Variants in WDR3 observed in about 807,000 individuals in gnomAD.
WDR3 encodes WD repeat domain 3.
In WDR3, 81 loss-of-function variants were observed where a neutral mutation model predicts 123.7. That is an observed-to-expected ratio of 0.65 (90% CI 0.55 to 0.79). The LOEUF is 0.79. WDR3 is among the 30% of genes least tolerant of loss of function. The pLI, the probability that WDR3 is intolerant of heterozygous loss-of-function variation, is 0.00. For missense variants in WDR3, 1,027 were observed against 1,123.2 expected (o/e 0.91, Z 1.22); for synonymous variants, 390 against 388.8 (o/e 1.00, Z -0.04).
intron 13 of WDR3, among the ~76,000 whole-genome samples, chr1:117,949,427 A>T (rs1023102100): frequency 6.6e-6 from 1 of 152,188 alleles, no homozygotes; most frequent in African/African-American, 2.4e-5. Context: ...ACTTTAAACA[A>T]ATCTAGATTA....
intron 3 of WDR3, among the ~76,000 whole-genome samples, chr1:117,936,194 A>T (rs1650940063): frequency 6.6e-6 from 1 of 152,080 alleles, no homozygotes; most frequent in Non-Finnish European, 1.5e-5. Context: ...GATTTACCCA[A>T]CCTGGAGATC....
At position 117,936,945 on chromosome 1, in the gene WDR3, T is replaced by C. The variant is rs1425703555; in HGVS notation, c.500+58T>C. On this transcript the variant is annotated intron_variant, in intron 4 of 26. Transcript: ENST00000349139. ...TTCTAGGAAGAGAGAATTTGCTTTA[T>C]TCCTTACTCATTTCTCTCATGAGCA... is the stretch of plus-strand genomic sequence containing the variant. 8.2e-6 allele frequency: 12 copies of C among 1,459,806 alleles called. No homozygotes were observed. In the Admixed American group the frequency reaches 1.7e-4, roughly 21 times the overall value. 90.4% of individuals were successfully genotyped at this position (1,459,806 alleles called of 1,614,324 possible). A position where few individuals can be genotyped will look rare whatever the true frequency, so the allele number is the denominator to read the frequency against.
chr1:117,938,682 T>C, intron 5 of WDR3, 124 bp downstream of exon 5: 1 of 700,090 alleles, frequency 1.4e-6, no homozygotes. Context: ...TATGCCATCT[T>C]GAGGGACAGT....
chr1:117,949,978 G>GT lies in WDR3; in HGVS notation c.1611-11dup. On this transcript the variant is annotated splice_polypyrimidine_tract_variant and intron_variant, in intron 14 of 26. Coordinates refer to ENST00000349139, the MANE Select transcript of WDR3 (RefSeq NM_006784.3). The stretch of plus-strand genomic sequence containing the variant: ...GTATACTCATTTATTTTTTCTTGAT[G>GT]TTTTTTGTGGTGCTAGACTTTCTGT... The GT allele has an allele frequency of 1.2e-6, 2 of 1,613,112 alleles. No homozygotes were observed. Among genetic ancestry groups the GT allele is most frequent in the Non-Finnish European group, 1.7e-6 (2 of 1,179,656 alleles).
Position 117,960,118 on chromosome 1 carries a change from G to A in WDR3, c.*671G>A, listed in dbSNP as rs575332165. On this transcript the variant is annotated 3_prime_UTR_variant, in exon 27 of 27. Coordinates refer to ENST00000349139, the MANE Select transcript of WDR3 (RefSeq NM_006784.3). ...GAGGAATTAATACACTCGTGTGTGTGTGTGTGTGTGTGTGTGTGTGTGTGT... is the reference window on the plus strand; with the variant it reads ...GAGGAATTAATACACTCGTGTGTGTATGTGTGTGTGTGTGTGTGTGTGTGT... The A allele has an allele frequency of 6.9e-6, 1 of 144,422 alleles. No homozygotes were observed. The highest frequency in any genetic ancestry group is 2.7e-5 in the African/African-American group (1 of 36,514). 8.9% of individuals were successfully genotyped at this position (144,422 alleles called of 1,614,324 possible).
intron 6 of WDR3, 96 bp downstream of exon 6, chr1:117,939,668 A>G (rs1651074043): frequency 1.9e-5 from 22 of 1,188,662 alleles, no homozygotes; most frequent in Non-Finnish European, 2.7e-5. Flanking sequence ...TTCACATCAT[A>G]TTAGAAGGAA....
In WDR3 at chr1:117,964,155, T is replaced by C; in HGVS notation, c.*4708T>C. On this transcript the variant is annotated 3_prime_UTR_variant, in exon 27 of 27. Transcript: ENST00000349139. ...TCTTCTGTTCTCCCTAGTGTACATT[T>C]CTCTCCTAACTGTGACTGGCTTTCT... 2.3e-6 allele frequency: 1 copy of C among 432,946 alleles called. No homozygotes were observed. Among genetic ancestry groups the C allele is most frequent in the South Asian group, 3.9e-5 (1 of 25,388 alleles). 26.8% of individuals were successfully genotyped at this position (432,946 alleles called of 1,614,324 possible). A position where few individuals can be genotyped will look rare whatever the true frequency, so the allele number is the denominator to read the frequency against.
In WDR3 at chr1:117,959,490, A is replaced by G. The variant is rs1652742925; in HGVS notation, c.*43A>G. ...TTTTTTTTTTTCAACTTTTTCCTTT[A>G]AAGGACTCCTAAACTAAGCACAGAA... On this transcript the variant is annotated 3_prime_UTR_variant, in exon 27 of 27. Transcript: ENST00000349139. The G allele has an allele frequency of 6.5e-7, 1 of 1,534,388 alleles. No homozygotes were observed. Among genetic ancestry groups the G allele is most frequent in the African/African-American group, 1.4e-5 (1 of 71,514 alleles).
chr1:117,937,173 C>T (rs1243639005), intron 4 of WDR3, among the ~76,000 whole-genome samples: 1 of 151,960 alleles, frequency 6.6e-6, no homozygotes, highest in Non-Finnish European at 1.5e-5. Flanking sequence ...CTTTGTCTAC[C>T]TTCTAGATCT....
At chr1:117,946,940 CAAAAAAAAAAAA>C (rs55743091) in intron 12 of WDR3, among the ~76,000 whole-genome samples, 2 of 77,382 alleles carry the variant, frequency 2.6e-5, no homozygotes, top group Admixed American at 3.1e-4. Context: ...GACTCCATCT[CAAAAAAAAAAAA>C]AAAAAAAAAT....
chr1:117,954,357 G>T (rs1047593743), intron 22 of WDR3, among the ~76,000 whole-genome samples: 1 of 152,048 alleles, frequency 6.6e-6, no homozygotes, highest in Non-Finnish European at 1.5e-5. Context: ...GGTTTGGGAG[G>T]CAGGGTAACC....
Position 117,952,031 on chromosome 1 carries a change from TGGACTTTGGG to T in WDR3, c.1861_1870del (p.Asp621ThrfsTer13). 2 of 1,613,544 alleles carry T rather than the reference TGGACTTTGGG, an allele frequency of 1.2e-6. No individual in the cohort carries two copies. Among genetic ancestry groups the T allele is most frequent in the Non-Finnish European group, 1.7e-6 (2 of 1,179,510 alleles). On this transcript the variant is annotated frameshift_variant, in exon 17 of 27. Coordinates refer to ENST00000349139, the MANE Select transcript of WDR3 (RefSeq NM_006784.3). LOFTEE classifies it high-confidence loss of function. ...GATAGGAATGTGAAAATCTGGGGTT[TGGACTTTGGG>T]GACTGCCACAAGTCTCTCTTTGCAC...
intron 10 of WDR3, 131 bp downstream of exon 10, chr1:117,942,675 C>G: frequency 4.0e-6 from 3 of 753,964 alleles, no homozygotes; most frequent in Non-Finnish European, 6.5e-6. Flanking sequence ...ACATCTGTGT[C>G]ACACTCTGCT....
Position 117,966,530 on chromosome 1 carries a change from C to A in WDR3, c.*7083C>A. 1 of 1,240,774 alleles carries A rather than the reference C, an allele frequency of 8.1e-7. No individual in the cohort carries two copies. 76.9% of individuals were successfully genotyped at this position (1,240,774 alleles called of 1,614,324 possible). A position where few individuals can be genotyped will look rare whatever the true frequency, so the allele number is the denominator to read the frequency against. On this transcript the variant is annotated 3_prime_UTR_variant, in exon 27 of 27. Coordinates refer to ENST00000349139, the MANE Select transcript of WDR3 (RefSeq NM_006784.3). Reference sequence around the variant, plus strand: ...AGATAGAATTAATAAAGTAGAGATGCATTTTGACTTCCATGTTTTCCTCAC... The same window carrying A: ...AGATAGAATTAATAAAGTAGAGATGAATTTTGACTTCCATGTTTTCCTCAC...
intron 6 of WDR3, 110 bp from the exon 7 acceptor site, chr1:117,940,717 G>A: frequency 1.0e-6 from 1 of 975,396 alleles, no homozygotes; most frequent in Non-Finnish European, 1.6e-6. Context: ...GACAGAGTAA[G>A]ACTCTGTCTC....
chr1:117,941,263 G>A (rs373853903), intron 8 of WDR3, 38 bp downstream of exon 8: 80 of 1,585,502 alleles, frequency 5.0e-5, no homozygotes, highest in Non-Finnish European at 6.3e-5. Context: ...CAAGGACTAG[G>A]CTGTTCCTTC....
rs774243787 is a variant in WDR3, at chr1:117,955,395, CA to C, written c.2453+38del. The C allele has an allele frequency of 6.3e-6, 10 of 1,595,992 alleles. No homozygotes were observed. In the African/African-American group the frequency reaches 1.3e-4, roughly 21 times the overall value. ...CTTGCGCACAATTTTTGTAATCTGT[CA>C]GCAAACATTTATGAAGTGCTTATCT... On this transcript the variant is annotated intron_variant, in intron 24 of 26. Coordinates refer to ENST00000349139, the MANE Select transcript of WDR3 (RefSeq NM_006784.3).
At chr1:117,949,892 T>A in intron 14 of WDR3, 56 bp downstream of exon 14, 1 of 1,610,684 alleles carries the variant, frequency 6.2e-7, no homozygotes, top group African/African-American at 1.3e-5. Context: ...AGCTATGGAA[T>A]GGCCTTTTGA....
At position 117,963,812 on chromosome 1, in the gene WDR3, AC is replaced by A. The variant is rs1011796332; in HGVS notation, c.*4366del. ...TACTTACTGTACCTAATGTGGAGAAACTTTACGAGACATGAAGACTCCAAGT... is the reference window on the plus strand; with the variant it reads ...TACTTACTGTACCTAATGTGGAGAAATTTACGAGACATGAAGACTCCAAGT... On this transcript the variant is annotated 3_prime_UTR_variant, in exon 27 of 27. Coordinates refer to ENST00000349139, the MANE Select transcript of WDR3 (RefSeq NM_006784.3). The A allele has an allele frequency of 6.2e-6, 10 of 1,612,214 alleles. No individual in the cohort carries two copies. The highest frequency in any genetic ancestry group is 3.4e-5 in the Admixed American group (2 of 59,694).
Sources: gnomAD v4.1 joint callset for allele counts (sites outside exome capture counted in the v4.1 genomes callset) on GRCh38, gnomAD v4.1.1 for gene constraint, MANE v1.5 for transcripts, NCBI Gene and HGNC (gene_info 2026-07-23, HGNC 2026-07-21) for gene names.